The following CTNNA2 variants were observed in gnomAD, a reference collection of about 807,000 sequenced individuals.
CTNNA2 encodes the protein catenin alpha-2.
Under a neutral mutation model 101.0 loss-of-function variants are expected in CTNNA2, and 42 were observed. The observed-to-expected ratio is 0.42, with a 90% CI of 0.32 to 0.54. The LOEUF is 0.54. Ranked by LOEUF, CTNNA2 falls within the 20% of genes least tolerant of loss-of-function variation. The pLI, the probability that CTNNA2 is intolerant of heterozygous loss-of-function variation, is 0.14. For synonymous variants in CTNNA2, 450 were observed against 456.4 expected, an observed-to-expected ratio of 0.99 and a Z score of 0.18; for missense variants, 871 against 1,223.1, an observed-to-expected ratio of 0.71 and a Z score of 4.29.
chr2:80,125,301 C>T (rs1170624832), intron 7 of CTNNA2, among the ~76,000 whole-genome samples: 1 of 152,148 alleles, frequency 6.6e-6, no homozygotes, highest in East Asian at 1.9e-4. Flanking sequence ...TTGCTGGCTC[C>T]ACTGCACCGT....
In CTNNA2 at chr2:80,482,315, T is replaced by C. The variant is rs540569579; in HGVS notation, c.1291-62667T>C. Among the ~76,000 whole-genome samples the C allele has an allele frequency of 1.4e-4, 21 of 152,228 alleles. No homozygotes were observed. In the South Asian group the frequency reaches 4.3e-3, roughly 32 times the overall value. On this transcript the variant is annotated intron_variant, in intron 9 of 18. Coordinates refer to ENST00000402739, the MANE Select transcript of CTNNA2 (RefSeq NM_001282597.3). ...AGGAAACTCTAACTTTTAAAGGGTC[T>C]CTTGACATGCGTGGTAATTACAGGA...
chr2:80,364,379 C>A (rs1479748905), intron 7 of CTNNA2, among the ~76,000 whole-genome samples: 1 of 152,010 alleles, frequency 6.6e-6, no homozygotes, highest in East Asian at 1.9e-4. Context: ...TTTCTCTTTT[C>A]TCCTTTCCCT....
chr2:80,043,598 G>A (rs558824777), intron 7 of CTNNA2, among the ~76,000 whole-genome samples: 7 of 152,266 alleles, frequency 4.6e-5, no homozygotes, highest in African/African-American at 1.2e-4. Context: ...ACAGGCAATG[G>A]AGTTGATTTC....
intron 14 of CTNNA2, among the ~76,000 whole-genome samples, chr2:80,583,658 T>G (rs1695729675): frequency 6.6e-6 from 1 of 152,148 alleles, no homozygotes; most frequent in South Asian, 2.1e-4. Flanking sequence ...TCATCTTGCT[T>G]TATAAGCACC....
At chr2:79,990,899 G>A (rs905952823) in intron 7 of CTNNA2, among the ~76,000 whole-genome samples, 12 of 152,094 alleles carry the variant, frequency 7.9e-5, no homozygotes, top group Admixed American at 3.9e-4. Flanking sequence ...CTGTGAGTCC[G>A]TCTGGTCCTG....
At chr2:79,260,531 T>G (rs941113788) in intron 2 of CTNNA2, among the ~76,000 whole-genome samples, 31 of 152,188 alleles carry the variant, frequency 2.0e-4, no homozygotes, top group African/African-American at 7.0e-4. Context: ...AGAAGTACGA[T>G]GACATTTAAG....
chr2:80,006,823 T>A (rs1188842956), intron 7 of CTNNA2, among the ~76,000 whole-genome samples: 1 of 152,146 alleles, frequency 6.6e-6, no homozygotes, highest in Non-Finnish European at 1.5e-5. Context: ...CTCCTTGCCT[T>A]CCTTATATTT....
chr2:80,620,569 A>T (rs1671023447), intron 18 of CTNNA2, among the ~76,000 whole-genome samples: 1 of 151,966 alleles, frequency 6.6e-6, no homozygotes, highest in Non-Finnish European at 1.5e-5. Flanking sequence ...TAACTGGCCA[A>T]TAGGAAGATT....
At chr2:80,529,623 A>T (rs1690351120) in intron 9 of CTNNA2, among the ~76,000 whole-genome samples, 2 of 152,176 alleles carry the variant, frequency 1.3e-5, no homozygotes, top group South Asian at 4.1e-4. Context: ...CTTGGATCCC[A>T]CAAAAGATTG....
At chr2:79,202,732 C>CTTTATTTGTTTG in intron 2 of CTNNA2, among the ~76,000 whole-genome samples, 1 of 151,226 alleles carries the variant, frequency 6.6e-6, no homozygotes, top group South Asian at 2.1e-4. Context: ...TTCTACGTTT[C>CTTTATTTGTTTG]TTTGTTTGTT....
intron 4 of CTNNA2, among the ~76,000 whole-genome samples, chr2:79,474,560 AT>A (rs1671032245): frequency 6.6e-6 from 1 of 152,182 alleles, no homozygotes; most frequent in African/African-American, 2.4e-5. Flanking sequence ...TACTTTAATT[AT>A]TTTTTAATTT....
At chr2:79,377,105 G>A (rs192884044) in intron 4 of CTNNA2, among the ~76,000 whole-genome samples, 4,544 of 151,644 alleles carry the variant, frequency 0.03, 105 homozygotes, top group Non-Finnish European at 0.046. Context: ...CCCACCAACA[G>A]TGTAAAAGTG....
chr2:79,234,876 A>C (rs1402066327), intron 2 of CTNNA2, among the ~76,000 whole-genome samples: 1 of 152,158 alleles, frequency 6.6e-6, no homozygotes, highest in Admixed American at 6.5e-5. Flanking sequence ...TTTCAGCTCC[A>C]GAAGTTCAGG....
chr2:80,389,938 A>G (rs760321110), intron 7 of CTNNA2, among the ~76,000 whole-genome samples: 1 of 152,200 alleles, frequency 6.6e-6, no homozygotes, highest in African/African-American at 2.4e-5. Flanking sequence ...ACATGGAATG[A>G]TTAATGTTAC....
At chr2:80,539,412 C>CAAAAAAA (rs70940083) in intron 9 of CTNNA2, among the ~76,000 whole-genome samples, 1 of 123,444 alleles carries the variant, frequency 8.1e-6, no homozygotes, top group Non-Finnish European at 1.7e-5. Flanking sequence ...CCAGAAGAGC[C>CAAAAAAA]AAAAAAAAAA....
intron 6 of CTNNA2, among the ~76,000 whole-genome samples, chr2:79,899,290 A>G (rs1684918525): frequency 6.6e-6 from 1 of 152,222 alleles, no homozygotes; most frequent in Non-Finnish European, 1.5e-5. Context: ...TATAAAGCTA[A>G]GGATTATTAT....
At chr2:79,892,920 TAAAG>T (rs923118112) in intron 6 of CTNNA2, among the ~76,000 whole-genome samples, 11 of 152,152 alleles carry the variant, frequency 7.2e-5, no homozygotes, top group African/African-American at 2.7e-4. Flanking sequence ...TTGTTAAAAA[TAAAG>T]AAAGAGTTTC....
intron 2 of CTNNA2, among the ~76,000 whole-genome samples, chr2:79,227,744 A>G (rs950121905): frequency 6.6e-6 from 1 of 152,208 alleles, no homozygotes; most frequent in Admixed American, 6.5e-5. Context: ...TCAGTGAGTC[A>G]TAATCTTTTT....
intron 2 of CTNNA2, among the ~76,000 whole-genome samples, chr2:79,232,304 TA>T (rs1487761827): frequency 6.6e-6 from 1 of 152,176 alleles, no homozygotes; most frequent in Non-Finnish European, 1.5e-5. Context: ...TTTTTCCATC[TA>T]TTGAGGTAAT....
Sources: allele counts gnomAD v4.1 joint callset (sites outside exome capture counted in the v4.1 genomes callset), GRCh38; gene constraint gnomAD v4.1.1; transcripts MANE v1.5; gene names NCBI Gene and HGNC (gene_info 2026-07-23, HGNC 2026-07-21).